RAD51B: variants seen among roughly 807,000 people sequenced by gnomAD.
The protein encoded by RAD51B is RAD51 paralog B.
In RAD51B, 38 loss-of-function variants were observed where a neutral mutation model predicts 42.2. The ratio of observed to expected loss-of-function variants is 0.90; its 90% CI spans 0.70 to 1.18. The LOEUF is 1.18. Among genes scored for constraint, RAD51B ranks in the 50% most tolerant of loss-of-function variants. The probability of loss-of-function intolerance (pLI) is 0.00; values close to 1 mark genes in which losing one functional copy is unlikely to be tolerated. For synonymous variants in RAD51B, 154 were observed against 145.2 expected, an observed-to-expected ratio of 1.06 and a Z score of -0.43; for missense variants, 373 against 400.7, an observed-to-expected ratio of 0.93 and a Z score of 0.59.
chr14:68,331,367 C>CAAAAACAAAAAAAAAAAAAAAAA (rs2082344947), intron 8 of RAD51B, among the ~76,000 whole-genome samples: 1 of 32,948 alleles, frequency 3.0e-5, no homozygotes, highest in African/African-American at 7.8e-5. Context: ...GACTCTGTCT[C>CAAAAACAAAAAAAAAAAAAAAAA]AAAAAAAAAA....
At chr14:68,619,461 CAA>C (rs371609592) in intron 10 of RAD51B, among the ~76,000 whole-genome samples, 1 of 123,720 alleles carries the variant, frequency 8.1e-6, no homozygotes, top group Non-Finnish European at 1.7e-5. Flanking sequence ...GACTCCATCT[CAA>C]AAAAAAAAAG....
chr14:68,082,497 G>A (rs909167501), intron 7 of RAD51B, among the ~76,000 whole-genome samples: 6 of 151,370 alleles, frequency 4.0e-5, no homozygotes, highest in African/African-American at 1.5e-4. Context: ...ATGTATTTAT[G>A]TATGTATGTA....
chr14:68,134,591 G>A (rs997113295), intron 7 of RAD51B, among the ~76,000 whole-genome samples: 2 of 151,962 alleles, frequency 1.3e-5, no homozygotes, highest in Admixed American at 6.6e-5. Flanking sequence ...AAATCATTTA[G>A]CGTTATCATT....
intron 8 of RAD51B, among the ~76,000 whole-genome samples, chr14:68,405,708 T>C (rs2084252359): frequency 6.6e-6 from 1 of 151,982 alleles, no homozygotes; most frequent in Admixed American, 6.6e-5. Flanking sequence ...TTTTATACTA[T>C]TCTTATTGTT....
intron 8 of RAD51B, among the ~76,000 whole-genome samples, chr14:68,325,682 C>T (rs545356846): frequency 1.9e-4 from 29 of 151,914 alleles, no homozygotes; most frequent in African/African-American, 6.8e-4. Flanking sequence ...ATCTAGTTAG[C>T]GTGGTGCTTC....
In RAD51B at chr14:68,497,196, C is replaced by T. The variant is rs45568038; in HGVS notation, c.1036+28946C>T. The T allele has an allele frequency of 4.3e-3, 5,911 of 1,385,018 alleles. 10 individuals are homozygous for T. The highest frequency in any genetic ancestry group is 4.9e-3 in the Non-Finnish European group (5,048 of 1,037,114). The allele number at this position is 1,385,018 out of a possible 1,614,324, so 85.8% of individuals were successfully genotyped here. ...TGCCAAGAAAAATCCGCTTTTCTGC[C>T]ACAGAAACAAAATATTGGGAAAGAG... On this transcript the variant is annotated intron_variant, in intron 10 of 10. Coordinates refer to the RAD51B transcript ENST00000487270.
intron 10 of RAD51B, among the ~76,000 whole-genome samples, chr14:68,543,496 G>A (rs1888071656): frequency 6.6e-6 from 1 of 152,148 alleles, no homozygotes; most frequent in Non-Finnish European, 1.5e-5. Flanking sequence ...AAATTCTTCG[G>A]TTGGGTACAA....
intron 7 of RAD51B, among the ~76,000 whole-genome samples, chr14:68,155,951 CA>C (rs2078495066): frequency 6.6e-6 from 1 of 152,130 alleles, no homozygotes; most frequent in Non-Finnish European, 1.5e-5. Flanking sequence ...GGCTAATTAG[CA>C]TTTAGAGTTT....
rs35050093 is a variant in RAD51B at position 68,191,872 on chromosome 14, A to G, written c.757-100012A>G. On this transcript the variant is annotated intron_variant, in intron 7 of 10. Transcript: ENST00000471583. ...GTAAAGTTACCTTGGTTGTGTAAGAATAACCTGAGTGGTTTACTCAGACTG... is the reference window on the plus strand; with the variant it reads ...GTAAAGTTACCTTGGTTGTGTAAGAGTAACCTGAGTGGTTTACTCAGACTG... 1.6e-4 allele frequency among the ~76,000 whole-genome samples: 25 copies of G among 152,326 alleles called. No homozygotes were observed. The East Asian group carries it at 4.8e-3, about 29-fold the overall frequency.
chr14:68,563,369 G>A, intron 10 of RAD51B: 1 of 985,416 alleles, frequency 1.0e-6, no homozygotes, highest in Non-Finnish European at 1.2e-6. Flanking sequence ...CAGTGATACT[G>A]CGAGCTGGGT....
intron 7 of RAD51B, among the ~76,000 whole-genome samples, chr14:68,171,738 G>A (rs1289275200): frequency 6.6e-6 from 1 of 151,150 alleles, no homozygotes; most frequent in African/African-American, 2.4e-5. Flanking sequence ...ACGGAGTCTC[G>A]CTCTGTCGCC....
chr14:67,969,988 T>C (rs777934688), intron 7 of RAD51B, among the ~76,000 whole-genome samples: 60 of 152,222 alleles, frequency 3.9e-4, no homozygotes, highest in African/African-American at 1.1e-3. Context: ...AATGTTCAGA[T>C]ATTTAAGAGG....
At chr14:67,949,813 G>C (rs1249161525) in intron 7 of RAD51B, among the ~76,000 whole-genome samples, 1 of 152,184 alleles carries the variant, frequency 6.6e-6, no homozygotes, top group Non-Finnish European at 1.5e-5. Context: ...TGTGTTAAGA[G>C]GCATGAAAAC....
chr14:68,504,819 CCAATCTACA>C (rs914891120), intron 10 of RAD51B, among the ~76,000 whole-genome samples: 4 of 150,412 alleles, frequency 2.7e-5, no homozygotes, highest in Admixed American at 2.0e-4. Context: ...ACACTGGAGC[CCAATCTACA>C]CACTTGATGG....
intron 10 of RAD51B, among the ~76,000 whole-genome samples, chr14:68,517,697 A>G (rs184668664): frequency 1.9e-4 from 29 of 152,156 alleles, no homozygotes; most frequent in Non-Finnish European, 2.5e-4. Flanking sequence ...CAAAATTGTA[A>G]TCACCACCAT....
chr14:68,395,196 C>G (rs1304599801), intron 8 of RAD51B, among the ~76,000 whole-genome samples: 1 of 152,190 alleles, frequency 6.6e-6, no homozygotes, highest in Non-Finnish European at 1.5e-5. Flanking sequence ...TGTGCTCCCA[C>G]CCTTTCTACC....
At chr14:67,957,013 G>C (rs760073789) in intron 7 of RAD51B, among the ~76,000 whole-genome samples, 3 of 152,208 alleles carry the variant, frequency 2.0e-5, no homozygotes, top group Non-Finnish European at 4.4e-5. Flanking sequence ...GCCAGGTGTT[G>C]TGATAGAGTG....
intron 10 of RAD51B, among the ~76,000 whole-genome samples, chr14:68,606,914 C>T (rs966274605): frequency 9.9e-5 from 15 of 152,160 alleles, no homozygotes; most frequent in Non-Finnish European, 1.9e-4. Flanking sequence ...TCTGATCCAC[C>T]CAACTTCTTC....
chr14:68,645,248 AT>A (rs1486383215), intron 10 of RAD51B, among the ~76,000 whole-genome samples: 17 of 152,072 alleles, frequency 1.1e-4, no homozygotes, highest in African/African-American at 4.1e-4. Flanking sequence ...ATCATATAGC[AT>A]TTGTCTTTTA....
Sources: allele counts gnomAD v4.1 joint callset (sites outside exome capture counted in the v4.1 genomes callset), GRCh38; gene constraint gnomAD v4.1.1; transcripts MANE v1.5; gene names NCBI Gene and HGNC (gene_info 2026-07-23, HGNC 2026-07-21).